The following GANC variants were observed in gnomAD, a reference collection of about 807,000 sequenced individuals.
The protein encoded by GANC is glucosidase alpha, neutral C, also known as neutral alpha-glucosidase C.
In GANC, 117 loss-of-function variants were observed where a neutral mutation model predicts 124.2. That is an observed-to-expected ratio of 0.94 (90% CI 0.81 to 1.10). GANC has a LOEUF of 1.10. Ranked by LOEUF, GANC falls within the 50% of genes least tolerant of loss-of-function variation. GANC has a pLI of 0.00. For missense variants in GANC, 1,140 were observed against 1,095.0 expected (o/e 1.04, Z -0.58); for synonymous variants, 377 against 376.8 (o/e 1.00, Z -0.01).
At chr15:42,337,978 T>C in intron 15 of GANC, among the ~76,000 whole-genome samples, 1 of 152,076 alleles carries the variant, frequency 6.6e-6, no homozygotes, top group East Asian at 1.9e-4. Flanking sequence ...GGAGACTCAC[T>C]TGAACCCTGG....
At chr15:42,290,415 T>TA (rs1268098254) in intron 4 of GANC, among the ~76,000 whole-genome samples, 2 of 152,208 alleles carry the variant, frequency 1.3e-5, no homozygotes, top group Admixed American at 6.5e-5. Flanking sequence ...TGCAGGTACA[T>TA]ATAGCTGAAA....
chr15:42,331,300 T>A (rs923150441), intron 15 of GANC, among the ~76,000 whole-genome samples: 2 of 152,248 alleles, frequency 1.3e-5, no homozygotes, highest in African/African-American at 4.8e-5. Flanking sequence ...TCTTTGGTCC[T>A]GTCTCTTTGA....
chr15:42,351,536 T>C (rs1177811717), intron 23 of GANC, 104 bp downstream of exon 23: 2 of 797,604 alleles, frequency 2.5e-6, no homozygotes, highest in Admixed American at 4.1e-5. Context: ...TGAGCCTGAG[T>C]GTGTGCTTTC....
intron 10 of GANC, among the ~76,000 whole-genome samples, chr15:42,313,069 A>G (rs7167306): frequency 0.91 from 138,485 of 152,236 alleles, 64,349 homozygotes; most frequent in Non-Finnish European, 1. Flanking sequence ...TACAGGCACA[A>G]GCCACAGTGC....
intron 15 of GANC, among the ~76,000 whole-genome samples, chr15:42,336,055 T>G (rs531605790): frequency 1.3e-5 from 2 of 151,770 alleles, no homozygotes; most frequent in South Asian, 4.2e-4. Context: ...AAGCAATTTA[T>G]AGATTCCGTG....
In GANC at chr15:42,339,736, C is replaced by T. The variant is rs1228655630; in HGVS notation, c.1911C>T (p.Ala637=). The change falls in exon 17 of 24, where the codon GCC becomes GCT. Residue 637 remains alanine, a synonymous_variant. Transcript: ENST00000318010. ...ELLVRWYQAG[A]YQPFFRGHAT... is the part of the protein sequence containing the mutation. ...TAGTGCGTTGGTACCAGGCTGGAGC[C>T]TACCAGCCCTTCTTCCGTGGCCATG... 5 of 1,614,022 alleles carry T rather than the reference C, an allele frequency of 3.1e-6. No homozygotes were observed. The highest frequency in any genetic ancestry group is 2.2e-5 in the South Asian group (2 of 91,088).
At chr15:42,320,506 T>G (rs1006309376) in intron 10 of GANC, among the ~76,000 whole-genome samples, 3 of 152,166 alleles carry the variant, frequency 2.0e-5, no homozygotes, top group African/African-American at 7.2e-5. Flanking sequence ...TGGAGTACAG[T>G]GGTGCAATCT....
chr15:42,311,449 T>C (rs1267665904), intron 10 of GANC, among the ~76,000 whole-genome samples: 1 of 152,114 alleles, frequency 6.6e-6, no homozygotes, highest in Non-Finnish European at 1.5e-5. Context: ...AGTTGCAGGG[T>C]ACAAGATCAA....
intron 4 of GANC, among the ~76,000 whole-genome samples, chr15:42,290,448 G>A (rs1422684085): frequency 2.0e-5 from 3 of 152,192 alleles, no homozygotes; most frequent in African/African-American, 7.2e-5. Context: ...GTTTGATATT[G>A]CAGGTCACTG....
At chr15:42,275,666 T>A (rs1231593795) in intron 1 of GANC, among the ~76,000 whole-genome samples, 4 of 152,142 alleles carry the variant, frequency 2.6e-5, no homozygotes, top group African/African-American at 4.8e-5. Flanking sequence ...AATATACATA[T>A]ATCTCATTCA....
At chr15:42,330,196 T>C (rs1566959153) in intron 14 of GANC, among the ~76,000 whole-genome samples, 1 of 152,236 alleles carries the variant, frequency 6.6e-6, no homozygotes, top group Non-Finnish European at 1.5e-5. Flanking sequence ...AGCTGTCTTA[T>C]ATAGGTCAGG....
intron 7 of GANC, among the ~76,000 whole-genome samples, 186 bp downstream of exon 7, chr15:42,306,798 T>C (rs572190104): frequency 6.6e-6 from 1 of 152,302 alleles, no homozygotes; most frequent in Non-Finnish European, 1.5e-5. Flanking sequence ...TATTTGCCTT[T>C]TGTAGGAAGT....
rs1301243495 is a variant in GANC, at chr15:42,274,447, G to C, written c.-35G>C. On this transcript the variant is annotated 5_prime_UTR_variant, in exon 1 of 24. Transcript: ENST00000318010. Reference sequence around the variant, plus strand: ...AAAGATCGCCCAGGGCCCTTGTCCTGAGAGCTGGGAGCTGGTCGGAGTGAC... The same window carrying C: ...AAAGATCGCCCAGGGCCCTTGTCCTCAGAGCTGGGAGCTGGTCGGAGTGAC... 1 of 1,606,532 alleles carries C rather than the reference G, an allele frequency of 6.2e-7. No individual in the cohort carries two copies. The highest frequency in any genetic ancestry group is 1.1e-5 in the South Asian group (1 of 89,170).
intron 1 of GANC, among the ~76,000 whole-genome samples, chr15:42,275,189 A>G (rs1379946129): frequency 4.6e-5 from 7 of 152,116 alleles, no homozygotes; most frequent in Non-Finnish European, 7.4e-5. Flanking sequence ...AGCCTGGGCA[A>G]CATGCTGAAT....
Position 42,343,099 on chromosome 15 carries a change from C to T in GANC, c.2174C>T (p.Pro725Leu). ...TTAGGGAGTGCATTATTGGTTCATC[C>T]AGTCACAGAACCAAAAGCCACCACA... Reference protein sequence around the residue: ...YMLGSALLVHPVTEPKATTVD... With the variant: ...YMLGSALLVHLVTEPKATTVD... The change falls in exon 19 of 24, where the codon CCA becomes CTA. Residue 725 changes from proline to leucine, a missense_variant. Physicochemically the swap from Pro to Leu is moderately conservative, Grantham distance 98. Transcript: ENST00000318010. The T allele has an allele frequency of 1.2e-6, 2 of 1,613,844 alleles. No individual in the cohort carries two copies. The highest frequency in any genetic ancestry group is 1.1e-5 in the South Asian group (1 of 91,074).
chr15:42,348,087 T>A lies in GANC; in HGVS notation c.2305-16T>A. On this transcript the variant is annotated splice_polypyrimidine_tract_variant and intron_variant, in intron 20 of 23. Transcript: ENST00000318010. ...TATATGAATACTGCTTCCCTGAGCG[T>A]GCTGCTCTGTTACAGATTCCAGTGT... 1 of 1,436,690 alleles carries A rather than the reference T, an allele frequency of 7.0e-7. No individual in the cohort carries two copies. The allele number at this position is 1,436,690 out of a possible 1,614,324, so 89.0% of individuals were successfully genotyped here.
chr15:42,273,387 A>C lies in GANC; in HGVS notation c.-1095A>C, dbSNP rs958019797. 2.5e-6 allele frequency: 4 copies of C among 1,613,932 alleles called. No homozygotes were observed. Among genetic ancestry groups the C allele is most frequent in the Non-Finnish European group, 2.5e-6 (3 of 1,180,032 alleles). ...TGACAGGCAACACCTGAAGCCACGC[A>C]GCCGCCGCCATCTTCACAGCCGTGG... On this transcript the variant is annotated 5_prime_UTR_variant, in exon 1 of 24. Transcript: ENST00000318010.
In GANC at chr15:42,353,441, C is replaced by G; in HGVS notation, c.*1302C>G. ...CATTAGCAGTGATTTTGCCCTTCCCCGTAATGCTGTCCCACTTATAACTGT... is the reference window on the plus strand; with the variant it reads ...CATTAGCAGTGATTTTGCCCTTCCCGGTAATGCTGTCCCACTTATAACTGT... On this transcript the variant is annotated 3_prime_UTR_variant, in exon 24 of 24. Transcript: ENST00000318010. The G allele has an allele frequency of 1.1e-6, 1 of 939,978 alleles. No individual in the cohort carries two copies. The highest frequency in any genetic ancestry group is 1.3e-6 in the Non-Finnish European group (1 of 788,538). The allele number at this position is 939,978 out of a possible 1,614,324, so 58.2% of individuals were successfully genotyped here. A position where few individuals can be genotyped will look rare whatever the true frequency, so the allele number is the denominator to read the frequency against.
At chr15:42,319,917 G>A (rs1002423138) in intron 10 of GANC, among the ~76,000 whole-genome samples, 5 of 152,124 alleles carry the variant, frequency 3.3e-5, no homozygotes, top group African/African-American at 1.2e-4. Context: ...AGATTTGGTG[G>A]CTCATGACTG....
Sources: gnomAD v4.1 joint callset for allele counts (sites outside exome capture counted in the v4.1 genomes callset) on GRCh38, gnomAD v4.1.1 for gene constraint, MANE v1.5 for transcripts, NCBI Gene and HGNC (gene_info 2026-07-23, HGNC 2026-07-21) for gene names.